The following TNFAIP8L1 variants were observed in gnomAD, a reference collection of about 807,000 sequenced individuals.
TNFAIP8L1 encodes the protein TNF alpha induced protein 8 like 1.
For synonymous variants in TNFAIP8L1, 127 were observed against 125.6 expected, an observed-to-expected ratio of 1.01 and a Z score of -0.08; for missense variants, 225 against 266.1, an observed-to-expected ratio of 0.85 and a Z score of 1.08.
chr19:4,654,045 G>C lies in TNFAIP8L1; in HGVS notation c.*1615G>C, dbSNP rs1430899778. On this transcript the variant is annotated 3_prime_UTR_variant, in exon 2 of 2. Coordinates refer to ENST00000327473, the MANE Select transcript of TNFAIP8L1 (RefSeq NM_152362.3). ...AGAGGCCCAGGGCAGATCCCCTTCA[G>C]CCTTGGAGGGACCTAGCCCTGGCCA... 1 of 152,224 alleles carries C rather than the reference G, an allele frequency of 6.6e-6. No individual in the cohort carries two copies. The highest frequency in any genetic ancestry group is 1.5e-5 in the Non-Finnish European group (1 of 68,068). 9.4% of individuals were successfully genotyped at this position (152,224 alleles called of 1,614,324 possible). A position where few individuals can be genotyped will look rare whatever the true frequency, so the allele number is the denominator to read the frequency against.
chr19:4,651,857 T>A lies in TNFAIP8L1; in HGVS notation c.-3-10T>A. On this transcript the variant is annotated splice_polypyrimidine_tract_variant and intron_variant, in intron 1 of 1. Transcript: ENST00000327473. ...GTGCAAAACTGAGGGCTGGTCTGTG[T>A]CCCCCGCAGGCCATGGACACCTTCA... 2 of 1,585,346 alleles carry A rather than the reference T, an allele frequency of 1.3e-6. No homozygotes were observed. Among genetic ancestry groups the A allele is most frequent in the Non-Finnish European group, 1.7e-6 (2 of 1,161,584 alleles).
chr19:4,651,686 G>A (rs563736350), intron 1 of TNFAIP8L1, among the ~76,000 whole-genome samples, 181 bp from the exon 2 acceptor site: 2 of 152,218 alleles, frequency 1.3e-5, no homozygotes, highest in South Asian at 4.1e-4. Flanking sequence ...GATCTCAGGC[G>A]ATCCGCCTGC....
chr19:4,643,917 A>T (rs2145165537), intron 1 of TNFAIP8L1, among the ~76,000 whole-genome samples: 1 of 152,088 alleles, frequency 6.6e-6, no homozygotes, highest in East Asian at 1.9e-4. Context: ...TCCATCTCAA[A>T]AAATAAATAA....
rs528083232 is a variant in TNFAIP8L1, at chr19:4,645,223, C to T, written c.-4+5594C>T. Among the ~76,000 whole-genome samples the T allele has an allele frequency of 5.3e-5, 8 of 152,252 alleles. No individual in the cohort carries two copies. Among genetic ancestry groups the T allele is most frequent in the South Asian group, 2.1e-4 (1 of 4,822 alleles). Reference sequence around the variant, plus strand: ...GGAATTTTGCCATCTGGTAGTTAAACGCAGCCATTATTTAACGTGGGAGAA... The same window carrying T: ...GGAATTTTGCCATCTGGTAGTTAAATGCAGCCATTATTTAACGTGGGAGAA... On this transcript the variant is annotated intron_variant, in intron 1 of 1. Transcript: ENST00000327473. The surrounding 1 kb of genome is among the most constrained non-coding windows in gnomAD (Gnocchi z 4.1).
intron 1 of TNFAIP8L1, among the ~76,000 whole-genome samples, chr19:4,648,909 G>C (rs2088336184): frequency 6.7e-6 from 1 of 149,368 alleles, no homozygotes; most frequent in Non-Finnish European, 1.5e-5. Flanking sequence ...TTTCCTCTTA[G>C]AATCTGCAAA....
rs1485942176 is a variant in TNFAIP8L1 at position 4,652,391 on chromosome 19, C to T, written c.522C>T (p.Cys174=). ...EPYRSHLRRI[C]EGLGRMLDEG... is the part of the protein sequence containing the mutation. Reference sequence around the variant, plus strand: ...ACCGCTCCCACCTGCGCAGGATCTGCGAGGGCCTGGGCCGGATGCTGGACG... The same window carrying T: ...ACCGCTCCCACCTGCGCAGGATCTGTGAGGGCCTGGGCCGGATGCTGGACG... Residue 174 remains cysteine, a synonymous_variant, in exon 2 of 2, where the codon TGC becomes TGT. Coordinates refer to ENST00000327473, the MANE Select transcript of TNFAIP8L1 (RefSeq NM_152362.3). 1.3e-6 allele frequency: 2 copies of T among 1,549,150 alleles called. No individual in the cohort carries two copies. The highest frequency in any genetic ancestry group is 1.4e-5 in the African/African-American group (1 of 73,102).
At chr19:4,651,695 G>GC (rs2088365820) in intron 1 of TNFAIP8L1, among the ~76,000 whole-genome samples, 172 bp from the exon 2 acceptor site, 1 of 152,244 alleles carries the variant, frequency 6.6e-6, no homozygotes, top group African/African-American at 2.4e-5. Context: ...CGATCCGCCT[G>GC]CCTAGGCATC....
chr19:4,647,196 A>G (rs1279220593), intron 1 of TNFAIP8L1, among the ~76,000 whole-genome samples: 1 of 152,202 alleles, frequency 6.6e-6, no homozygotes, highest in Non-Finnish European at 1.5e-5. Context: ...GTGCAAAACA[A>G]GTGTTTGCGT....
chr19:4,649,819 G>A (rs899613543), intron 1 of TNFAIP8L1, among the ~76,000 whole-genome samples: 2 of 152,250 alleles, frequency 1.3e-5, no homozygotes, highest in Non-Finnish European at 2.9e-5. Flanking sequence ...GGAGGGCAGG[G>A]GCGGCCCATC....
In TNFAIP8L1 at chr19:4,645,062, G is replaced by A. The variant is rs961941442; in HGVS notation, c.-4+5433G>A. ...AGACAAGACAGATGGAGCGGCTGGC[G>A]TGCACCTGCAGAGCAGATCCATCAA... On this transcript the variant is annotated intron_variant, in intron 1 of 1. Transcript: ENST00000327473. The surrounding 1 kb of genome is among the most constrained non-coding windows in gnomAD (Gnocchi z 4.1). 2.2e-4 allele frequency among the ~76,000 whole-genome samples: 33 copies of A among 152,304 alleles called. No individual in the cohort carries two copies. Among genetic ancestry groups the A allele is most frequent in the East Asian group, 7.7e-4 (4 of 5,180 alleles).
At chr19:4,646,763 C>T (rs1424211032) in intron 1 of TNFAIP8L1, among the ~76,000 whole-genome samples, 1 of 151,724 alleles carries the variant, frequency 6.6e-6, no homozygotes, top group East Asian at 1.9e-4. Context: ...CCCGAGTAGC[C>T]AGGATTACAG....
At chr19:4,650,857 G>A (rs1028564803) in intron 1 of TNFAIP8L1, among the ~76,000 whole-genome samples, 4 of 152,142 alleles carry the variant, frequency 2.6e-5, no homozygotes, top group African/African-American at 7.2e-5. Context: ...GGTGGCGGGC[G>A]CCTGTAGTCC....
In TNFAIP8L1 at chr19:4,653,519, G is replaced by A. The variant is rs2088392154; in HGVS notation, c.*1089G>A. 6.1e-6 allele frequency: 1 copy of A among 165,272 alleles called. No homozygotes were observed. Among genetic ancestry groups the A allele is most frequent in the South Asian group, 2.1e-4 (1 of 4,820 alleles). The allele number at this position is 165,272 out of a possible 1,614,324, so 10.2% of individuals were successfully genotyped here. A position where few individuals can be genotyped will look rare whatever the true frequency, so the allele number is the denominator to read the frequency against. On this transcript the variant is annotated 3_prime_UTR_variant, in exon 2 of 2. Transcript: ENST00000327473. Reference sequence around the variant, plus strand: ...CACCTGTAATCCCAGCACTTTGGGAGGCTGAGGCGGGCAGATCACAAGGTC... The same window carrying A: ...CACCTGTAATCCCAGCACTTTGGGAAGCTGAGGCGGGCAGATCACAAGGTC...
Position 4,645,850 on chromosome 19 carries a change from G to A in TNFAIP8L1, c.-3-6017G>A, listed in dbSNP as rs965597715. Among the ~76,000 whole-genome samples, 4 of 152,280 alleles carry A rather than the reference G, an allele frequency of 2.6e-5. 1 individual carries two copies. The highest frequency in any genetic ancestry group is 6.8e-3 in the Middle Eastern group (2 of 294). On this transcript the variant is annotated intron_variant, in intron 1 of 1. Transcript: ENST00000327473. This position sits in a 1 kb window ranked among gnomAD's most constrained non-coding sequence, Gnocchi z 4.1. ...AGGGTCACAGCAGGGAGACCTCAGAGCTGTGGACGGACCTGGACAGAGGCT... is the reference window on the plus strand; with the variant it reads ...AGGGTCACAGCAGGGAGACCTCAGAACTGTGGACGGACCTGGACAGAGGCT...
chr19:4,647,484 G>A (rs1220429207), intron 1 of TNFAIP8L1, among the ~76,000 whole-genome samples: 1 of 151,054 alleles, frequency 6.6e-6, no homozygotes, highest in African/African-American at 2.4e-5. Context: ...AATTTTTTTT[G>A]TATTTTTAGT....
rs1015072394 is a variant in TNFAIP8L1 at position 4,645,297 on chromosome 19, C to T, written c.-4+5668C>T. Reference sequence around the variant, plus strand: ...GCGTGGTGGCTCCCACCTGTAATCCCAGCAGTTTGGGAGGCCGAGGCGAGT... The same window carrying T: ...GCGTGGTGGCTCCCACCTGTAATCCTAGCAGTTTGGGAGGCCGAGGCGAGT... On this transcript the variant is annotated intron_variant, in intron 1 of 1. Transcript: ENST00000327473. This position sits in a 1 kb window ranked among gnomAD's most constrained non-coding sequence, Gnocchi z 4.1. Among the ~76,000 whole-genome samples, 3 of 152,116 alleles carry T rather than the reference C, an allele frequency of 2.0e-5. No individual in the cohort carries two copies. The highest frequency in any genetic ancestry group is 4.4e-5 in the Non-Finnish European group (3 of 68,028).
At position 4,645,226 on chromosome 19, in the gene TNFAIP8L1, A is replaced by G. The variant is rs2088299149; in HGVS notation, c.-4+5597A>G. Among the ~76,000 whole-genome samples, 1 of 152,218 alleles carries G rather than the reference A, an allele frequency of 6.6e-6. No homozygotes were observed. Among genetic ancestry groups the G allele is most frequent in the African/African-American group, 2.4e-5 (1 of 41,454 alleles). The stretch of plus-strand genomic sequence containing the variant: ...ATTTTGCCATCTGGTAGTTAAACGC[A>G]GCCATTATTTAACGTGGGAGAATAT... On this transcript the variant is annotated intron_variant, in intron 1 of 1. Transcript: ENST00000327473. The surrounding 1 kb of genome is among the most constrained non-coding windows in gnomAD (Gnocchi z 4.1).
chr19:4,644,003 C>T (rs546892357), intron 1 of TNFAIP8L1, among the ~76,000 whole-genome samples: 37 of 150,794 alleles, frequency 2.5e-4, no homozygotes, highest in African/African-American at 8.3e-4. Context: ...GGTGGATCAC[C>T]TGAGGTCAGG....
intron 1 of TNFAIP8L1, among the ~76,000 whole-genome samples, chr19:4,646,179 G>A (rs914087155): frequency 4.6e-5 from 7 of 152,072 alleles, no homozygotes; most frequent in African/African-American, 1.2e-4. Context: ...CTGGAGTGCA[G>A]TGGAACAATC....
Sources: allele counts gnomAD v4.1 joint callset (sites outside exome capture counted in the v4.1 genomes callset), GRCh38; gene constraint gnomAD v4.1.1; non-coding constraint Gnocchi (gnomAD v3.1); transcripts MANE v1.5; gene names NCBI Gene and HGNC (gene_info 2026-07-23, HGNC 2026-07-21).